Variants in GRID1 observed in about 807,000 individuals in gnomAD.
The protein encoded by GRID1 is glutamate receptor ionotropic, delta-1.
A neutral mutation model predicts 98.0 loss-of-function variants in GRID1; 28 were observed. The observed-to-expected ratio is 0.29, with a 90% CI of 0.21 to 0.39. The LOEUF (loss-of-function observed/expected upper bound fraction) is 0.39. Ranked by LOEUF, GRID1 falls within the 10% of genes least tolerant of loss-of-function variation. The pLI is 1.00. For missense variants in GRID1, 1,111 were observed against 1,340.5 expected (o/e 0.83, Z 2.67); for synonymous variants, 553 against 538.5 (o/e 1.03, Z -0.37).
chr10:85,796,910 G>T (rs1842530616), intron 8 of GRID1, among the ~76,000 whole-genome samples: 2 of 152,120 alleles, frequency 1.3e-5, no homozygotes, highest in African/African-American at 4.8e-5. Flanking sequence ...GGCTTCATTG[G>T]TTTTGTCTAA....
At position 85,619,950 on chromosome 10, in the gene GRID1, A is replaced by G; in HGVS notation, c.2277T>C (p.Thr759=). 6.2e-7 allele frequency: 1 copy of G among 1,614,044 alleles called. No individual in the cohort carries two copies. The highest frequency in any genetic ancestry group is 8.5e-7 in the Non-Finnish European group (1 of 1,179,894). Residue 759 remains threonine (T), a synonymous_variant, in exon 14 of 16, where the codon ACT becomes ACC. Transcript: ENST00000327946. ...TGCTGCTGATGCTGTTGCCGATGAC[A>G]GTCACCGAGCAGTCGTCATCCGTCA... ...AALTDDDCSV[T]VIGNSISSKG... is the part of the protein sequence containing the mutation.
chr10:86,076,625 G>C (rs1220525671), intron 4 of GRID1, among the ~76,000 whole-genome samples: 2 of 152,212 alleles, frequency 1.3e-5, no homozygotes, highest in African/African-American at 4.8e-5. Flanking sequence ...TGCAGTTCAA[G>C]TTCAAAGGCA....
chr10:86,275,738 A>T (rs1847259233), intron 2 of GRID1, among the ~76,000 whole-genome samples: 1 of 152,190 alleles, frequency 6.6e-6, no homozygotes, highest in African/African-American at 2.4e-5. Context: ...AATCAGAAAG[A>T]AAAGAGAAAG....
At chr10:85,722,166 G>A (rs12241055) in intron 12 of GRID1, among the ~76,000 whole-genome samples, 5,869 of 152,174 alleles carry the variant, frequency 0.039, 359 homozygotes, top group African/African-American at 0.13. Context: ...GAGTATGGAC[G>A]ACTTGATTAA....
intron 4 of GRID1, among the ~76,000 whole-genome samples, chr10:86,009,748 A>G (rs1842904101): frequency 6.6e-6 from 1 of 152,230 alleles, no homozygotes; most frequent in African/African-American, 2.4e-5. Flanking sequence ...TGAACATGTT[A>G]TGTGGAATTT....
chr10:86,154,373 A>G (rs900183585), intron 3 of GRID1, among the ~76,000 whole-genome samples: 2 of 152,154 alleles, frequency 1.3e-5, no homozygotes, highest in African/African-American at 4.8e-5. Flanking sequence ...AGAGAGCTTC[A>G]GGCACTCTAG....
In GRID1 at chr10:86,035,731, A is replaced by C. The variant is rs571292020; in HGVS notation, c.726+103088T>G. Among the ~76,000 whole-genome samples, 8 of 152,364 alleles carry C rather than the reference A, an allele frequency of 5.3e-5. No individual in the cohort carries two copies. In the South Asian group the frequency reaches 1.7e-3, roughly 32 times the overall value. On this transcript the variant is annotated intron_variant, in intron 4 of 15. Coordinates refer to ENST00000327946, the MANE Select transcript of GRID1 (RefSeq NM_017551.3). ...AGCATAGTCCAGGAGGGAGACAGAT[A>C]ATGAGCATTAAAGTAAATAAATAAA...
intron 3 of GRID1, among the ~76,000 whole-genome samples, chr10:86,201,318 T>A (rs986172752): frequency 1.3e-5 from 2 of 152,180 alleles, no homozygotes; most frequent in East Asian, 3.8e-4. Flanking sequence ...CATGCAGAAG[T>A]GTTATTCCAC....
At chr10:86,260,818 C>A (rs1378826129) in intron 2 of GRID1, among the ~76,000 whole-genome samples, 1 of 152,254 alleles carries the variant, frequency 6.6e-6, no homozygotes, top group Admixed American at 6.5e-5. Context: ...CCAGCACACA[C>A]ATGCCAAGCC....
At chr10:85,845,426 G>A (rs1235036019) in intron 8 of GRID1, among the ~76,000 whole-genome samples, 1 of 151,838 alleles carries the variant, frequency 6.6e-6, no homozygotes, top group Non-Finnish European at 1.5e-5. Flanking sequence ...TAAATTGAGG[G>A]GTATACTATA....
intron 2 of GRID1, among the ~76,000 whole-genome samples, chr10:86,303,365 A>C (rs1415944867): frequency 1.3e-5 from 2 of 152,210 alleles, no homozygotes; most frequent in Non-Finnish European, 2.9e-5. Flanking sequence ...TAAGGAAAGA[A>C]CCTCTTACTT....
chr10:85,683,359 T>C (rs776492050), intron 12 of GRID1, among the ~76,000 whole-genome samples: 1 of 152,208 alleles, frequency 6.6e-6, no homozygotes, highest in Non-Finnish European at 1.5e-5. Flanking sequence ...TGACGAGATC[T>C]CTATGCCTTA....
intron 2 of GRID1, among the ~76,000 whole-genome samples, chr10:86,274,432 T>G (rs1272536789): frequency 6.6e-6 from 1 of 152,258 alleles, no homozygotes; most frequent in African/African-American, 2.4e-5. Flanking sequence ...AACTAGTTTT[T>G]TCCAATACTG....
Position 86,137,721 on chromosome 10 carries a change from A to T in GRID1, c.726+1098T>A, listed in dbSNP as rs547279721. On this transcript the variant is annotated intron_variant, in intron 4 of 15. Transcript: ENST00000327946. Reference sequence around the variant, plus strand: ...AAATGCCGGGAGCCGACAGGACATCACAGCCTGGCGGACCACCGGCGTGAT... The same window carrying T: ...AAATGCCGGGAGCCGACAGGACATCTCAGCCTGGCGGACCACCGGCGTGAT... Among the ~76,000 whole-genome samples the T allele has an allele frequency of 5.3e-5, 8 of 152,292 alleles. No homozygotes were observed. The South Asian group carries it at 1.7e-3, about 32-fold the overall frequency.
In GRID1 at chr10:85,602,368, T is replaced by C; in HGVS notation, c.2935A>G (p.Ser979Gly). ...ATGGGGATGGGGGTCTTCACCGGGC[T>C]CTGCCGGAACAGCCCCCCGTTGGGT... ...RSPNGGLFRQ[S>G]PVKTPIPMSF... The change falls in exon 16 of 16, where the codon AGC becomes GGC. Residue 979 changes from serine to glycine, a missense_variant. Ser to Gly is a moderately conservative substitution (Grantham distance 56). This residue lies in a region of GRID1 where 762 missense variants were observed against 869.1 expected (regional missense o/e 0.88). Transcript: ENST00000327946. The C allele has an allele frequency of 6.2e-7, 1 of 1,603,628 alleles. No homozygotes were observed.
chr10:86,343,287 A>C (rs1039796277), intron 2 of GRID1, among the ~76,000 whole-genome samples: 1 of 152,236 alleles, frequency 6.6e-6, no homozygotes, highest in Non-Finnish European at 1.5e-5. Context: ...CTGTATCTAC[A>C]GTGTATGGAA....
intron 4 of GRID1, among the ~76,000 whole-genome samples, chr10:86,005,398 A>G (rs1564647794): frequency 6.6e-6 from 1 of 152,146 alleles, no homozygotes; most frequent in Non-Finnish European, 1.5e-5. Context: ...GGCTACCCCT[A>G]AGAGAGTAAG....
intron 2 of GRID1, among the ~76,000 whole-genome samples, chr10:86,239,595 T>C (rs954822456): frequency 5.3e-5 from 8 of 152,146 alleles, no homozygotes; most frequent in South Asian, 2.1e-4. Context: ...TGGGAGGTGA[T>C]TGGATCATGG....
intron 2 of GRID1, among the ~76,000 whole-genome samples, chr10:86,311,009 G>A (rs1847824584): frequency 1.3e-5 from 2 of 152,134 alleles, no homozygotes. Flanking sequence ...AGCAGAGTGA[G>A]GAGGACATGG....
Sources: gnomAD v4.1 joint callset for allele counts (sites outside exome capture counted in the v4.1 genomes callset) on GRCh38, gnomAD v4.1.1 for gene constraint, gnomAD v4.1.1 regional missense constraint, MANE v1.5 for transcripts, NCBI Gene and HGNC (gene_info 2026-07-23, HGNC 2026-07-21) for gene names.